The following CTDSPL variants were observed in gnomAD, a reference collection of about 807,000 sequenced individuals.
CTDSPL encodes the protein CTD small phosphatase-like protein.
A neutral mutation model predicts 30.5 loss-of-function variants in CTDSPL; 8 were observed. The ratio of observed to expected loss-of-function variants is 0.26; its 90% CI spans 0.15 to 0.47. The LOEUF (loss-of-function observed/expected upper bound fraction) is 0.47. Among genes scored for constraint, CTDSPL ranks in the 20% least tolerant of loss-of-function variants. The pLI, the probability that CTDSPL is intolerant of heterozygous loss-of-function variation, is 0.99. For missense variants in CTDSPL, 248 were observed against 366.1 expected (o/e 0.68, Z 2.63); for synonymous variants, 110 against 137.9 (o/e 0.80, Z 1.42).
At chr3:37,876,344 C>G (rs1242834338) in intron 1 of CTDSPL, among the ~76,000 whole-genome samples, 2 of 152,172 alleles carry the variant, frequency 1.3e-5, no homozygotes, top group Non-Finnish European at 2.9e-5. Flanking sequence ...ACTCATACAG[C>G]TGTATAACCA....
intron 5 of CTDSPL, chr3:37,968,104 CA>C (rs1699320010): frequency 2.0e-6 from 1 of 512,444 alleles, no homozygotes. Context: ...GATGCGGTTG[CA>C]AGTTCAAATA....
rs576035501 is a variant in CTDSPL at position 37,980,529 on chromosome 3, T to C, written c.706-213T>C. Among the ~76,000 whole-genome samples the C allele has an allele frequency of 2.0e-5, 3 of 152,358 alleles. No homozygotes were observed. The East Asian group carries it at 5.8e-4, about 29-fold the overall frequency. On this transcript the variant is annotated intron_variant, in intron 7 of 7. Coordinates refer to ENST00000273179, the MANE Select transcript of CTDSPL (RefSeq NM_001008392.2). ...GCAAATGCACACAAACTGGGTACAT[T>C]TAACTTTGCCTCCCTGAGCCATCTC...
chr3:37,947,571 A>T (rs1232715024), intron 2 of CTDSPL, among the ~76,000 whole-genome samples: 5 of 152,222 alleles, frequency 3.3e-5, no homozygotes, highest in Admixed American at 3.3e-4. Flanking sequence ...AAAAACAAAA[A>T]ACAAAAAGAA....
At chr3:37,921,313 G>C (rs973965972) in intron 1 of CTDSPL, among the ~76,000 whole-genome samples, 60 of 152,304 alleles carry the variant, frequency 3.9e-4, no homozygotes, top group African/African-American at 1.3e-3. Context: ...GGCCTTGGCT[G>C]TGCCTGGCTG....
intron 1 of CTDSPL, among the ~76,000 whole-genome samples, chr3:37,915,374 G>A (rs1698633985): frequency 6.6e-6 from 1 of 151,760 alleles, no homozygotes; most frequent in Non-Finnish European, 1.5e-5. Context: ...AAAATTCTTG[G>A]CTGTGTCTTC....
chr3:37,965,876 C>A, intron 4 of CTDSPL, among the ~76,000 whole-genome samples: 1 of 152,210 alleles, frequency 6.6e-6, no homozygotes, highest in East Asian at 1.9e-4. Context: ...CAGGGACCAC[C>A]TCATTCCCTA....
chr3:37,917,201 C>T (rs1361437126), intron 1 of CTDSPL, among the ~76,000 whole-genome samples: 3 of 152,168 alleles, frequency 2.0e-5, no homozygotes, highest in Admixed American at 1.3e-4. Context: ...GAGCACAGTA[C>T]GGACAGAGAC....
chr3:37,974,992 A>G (rs1240718034), intron 6 of CTDSPL, among the ~76,000 whole-genome samples: 1 of 152,196 alleles, frequency 6.6e-6, no homozygotes, highest in Non-Finnish European at 1.5e-5. Context: ...AGAGGAAATC[A>G]AGCAATCCCA....
intron 3 of CTDSPL, among the ~76,000 whole-genome samples, chr3:37,964,032 T>TA (rs58061973): frequency 0.032 from 728 of 22,972 alleles, 221 homozygotes; most frequent in East Asian, 0.046. Flanking sequence ...TCTCAGTCAC[T>TA]AAAAAAAAAA....
chr3:37,928,398 T>G lies in CTDSPL; in HGVS notation c.80-18659T>G, dbSNP rs147026942. The stretch of plus-strand genomic sequence containing the variant: ...ACATCCTAGGCAAAACTTATTTTTC[T>G]TTTTCTGTTTTTGATGGTGGCCAGC... On this transcript the variant is annotated intron_variant, in intron 1 of 7. Transcript: ENST00000273179. Among the ~76,000 whole-genome samples, 1,399 of 152,350 alleles carry G rather than the reference T, an allele frequency of 9.2e-3. 21 individuals are homozygous for G. Among genetic ancestry groups the G allele is most frequent in the Non-Finnish European group, 0.013 (874 of 68,038 alleles).
At chr3:37,872,363 C>T (rs112689246) in intron 1 of CTDSPL, among the ~76,000 whole-genome samples, 17 of 151,648 alleles carry the variant, frequency 1.1e-4, no homozygotes, top group African/African-American at 3.9e-4. Context: ...CCTTGTTCTT[C>T]GTATAATAAG....
chr3:37,916,612 T>C (rs1301395941), intron 1 of CTDSPL, among the ~76,000 whole-genome samples: 2 of 152,116 alleles, frequency 1.3e-5, no homozygotes, highest in African/African-American at 4.8e-5. Flanking sequence ...CACCAAGGAT[T>C]GCTGGCAAAC....
chr3:37,928,197 C>G (rs1259774635), intron 1 of CTDSPL, among the ~76,000 whole-genome samples: 1 of 152,148 alleles, frequency 6.6e-6, no homozygotes, highest in African/African-American at 2.4e-5. Context: ...ACATGGAGTA[C>G]AAATAGCTCT....
chr3:37,962,711 G>A (rs1037622571), intron 3 of CTDSPL, among the ~76,000 whole-genome samples: 3 of 152,128 alleles, frequency 2.0e-5, no homozygotes, highest in Non-Finnish European at 2.9e-5. Flanking sequence ...AAACATTTTA[G>A]TAGTTTATAA....
chr3:37,934,865 G>C (rs773145045), intron 1 of CTDSPL, among the ~76,000 whole-genome samples: 1 of 152,158 alleles, frequency 6.6e-6, no homozygotes, highest in Non-Finnish European at 1.5e-5. Flanking sequence ...TCTATTATTA[G>C]AGGCCTATTT....
chr3:37,982,352 T>C lies in CTDSPL; in HGVS notation c.*1485T>C. The C allele has an allele frequency of 2.8e-6, 1 of 352,902 alleles. No individual in the cohort carries two copies. The allele number at this position is 352,902 out of a possible 1,614,324, so 21.9% of individuals were successfully genotyped here. ...TTTGCAGCCTTTCCCAGTTTGGTGT[T>C]TAAGCAGTGCCATGTTCCTTGTTTG... On this transcript the variant is annotated 3_prime_UTR_variant, in exon 8 of 8. Transcript: ENST00000273179.
At chr3:37,900,242 A>G (rs1698434011) in intron 1 of CTDSPL, among the ~76,000 whole-genome samples, 1 of 152,214 alleles carries the variant, frequency 6.6e-6, no homozygotes, top group African/African-American at 2.4e-5. Context: ...AGGATGTTAC[A>G]CATCTACTCA....
chr3:37,976,046 A>G lies in CTDSPL; in HGVS notation c.705+152A>G, dbSNP rs1439049518. 1.2e-5 allele frequency: 10 copies of G among 815,942 alleles called. No individual in the cohort carries two copies. In the East Asian group the frequency reaches 2.7e-4, roughly 22 times the overall value. 50.5% of individuals were successfully genotyped at this position (815,942 alleles called of 1,614,324 possible). On this transcript the variant is annotated intron_variant, in intron 7 of 7. Transcript: ENST00000273179. Reference sequence around the variant, plus strand: ...GCCATTTAGCAGTTGCGTGTCATTGACCAAGTTATTTAACCTCACTGAGCC... The same window carrying G: ...GCCATTTAGCAGTTGCGTGTCATTGGCCAAGTTATTTAACCTCACTGAGCC...
chr3:37,939,033 A>C (rs1046623740), intron 1 of CTDSPL, among the ~76,000 whole-genome samples: 1 of 150,208 alleles, frequency 6.7e-6, no homozygotes, highest in African/African-American at 2.4e-5. Context: ...TTAAAGAGCT[A>C]CTTAATGTTC....
Sources: allele counts gnomAD v4.1 joint callset (sites outside exome capture counted in the v4.1 genomes callset), GRCh38; gene constraint gnomAD v4.1.1; transcripts MANE v1.5; gene names NCBI Gene and HGNC (gene_info 2026-07-23, HGNC 2026-07-21).